Variants in PCDHA1 observed in about 807,000 individuals in gnomAD.
The protein encoded by PCDHA1 is protocadherin alpha-1.
PCDHA1 carries 42 observed loss-of-function variants against 61.3 expected under a neutral mutation model. The observed-to-expected ratio is 0.69, with a 90% CI of 0.54 to 0.89. The LOEUF (loss-of-function observed/expected upper bound fraction) is 0.89, where lower values mean the gene tolerates loss of function less well. Among genes scored for constraint, PCDHA1 ranks in the 40% least tolerant of loss-of-function variants. The pLI, the probability that PCDHA1 is intolerant of heterozygous loss-of-function variation, is 0.00. For synonymous variants in PCDHA1, 610 were observed against 553.8 expected (o/e 1.10, Z -1.43); for missense variants, 1,256 against 1,235.3 (o/e 1.02, Z -0.25).
At chr5:140,937,446 G>A (rs1330877546) in intron 1 of PCDHA1, among the ~76,000 whole-genome samples, 1 of 152,088 alleles carries the variant, frequency 6.6e-6, no homozygotes, top group Non-Finnish European at 1.5e-5. Context: ...TATTTTAAAA[G>A]TTTAATTTTA....
Position 140,892,397 on chromosome 5 carries a change from T to C in PCDHA1, c.2395-86552T>C, listed in dbSNP as rs554853881. On this transcript the variant is annotated intron_variant, in intron 1 of 3. Coordinates refer to ENST00000504120, the MANE Select transcript of PCDHA1 (RefSeq NM_018900.4). ...GCAATCATGGGTAATCTTAATCTAT[T>C]TCAAGCTTCAGGTATTCTAGATAAA... is the stretch of plus-strand genomic sequence containing the variant. Among the ~76,000 whole-genome samples the C allele has an allele frequency of 2.0e-5, 3 of 152,326 alleles. No homozygotes were observed. The South Asian group carries it at 6.2e-4, about 32-fold the overall frequency.
chr5:140,858,097 G>A (rs2045175006), intron 1 of PCDHA1: 1 of 1,597,732 alleles, frequency 6.3e-7, no homozygotes, highest in Non-Finnish European at 8.6e-7. Context: ...GGGCTTCAGT[G>A]GGCGTGGCGC....
intron 1 of PCDHA1, among the ~76,000 whole-genome samples, chr5:140,789,413 T>C (rs1761527522): frequency 6.6e-6 from 1 of 152,090 alleles, no homozygotes; most frequent in African/African-American, 2.4e-5. Flanking sequence ...AGTCGCACCA[T>C]TGCACTCTAA....
At chr5:140,837,516 C>CGT (rs149634951) in intron 1 of PCDHA1, among the ~76,000 whole-genome samples, 1 of 151,568 alleles carries the variant, frequency 6.6e-6, no homozygotes. Flanking sequence ...AAGCAGTTTA[C>CGT]TTTTTTTGTA....
chr5:140,805,877 A>G (rs1763644184), intron 1 of PCDHA1, among the ~76,000 whole-genome samples: 1 of 152,196 alleles, frequency 6.6e-6, no homozygotes, highest in Non-Finnish European at 1.5e-5. Context: ...TTTATTAGGC[A>G]ATGGAAGGAA....
At chr5:140,790,323 C>T (rs1353918163) in intron 1 of PCDHA1, among the ~76,000 whole-genome samples, 2 of 152,142 alleles carry the variant, frequency 1.3e-5, no homozygotes, top group African/African-American at 4.8e-5. Context: ...ATGTTTGCTT[C>T]TGAAGTTACT....
intron 1 of PCDHA1, among the ~76,000 whole-genome samples, chr5:140,914,386 G>A (rs565819670): frequency 2.6e-5 from 4 of 152,216 alleles, no homozygotes; most frequent in East Asian, 1.9e-4. Flanking sequence ...TGTTATAAGT[G>A]TAGTTACCCC....
intron 1 of PCDHA1, chr5:140,883,169 G>C (rs1554177001): frequency 6.2e-7 from 1 of 1,613,950 alleles, no homozygotes; most frequent in Admixed American, 1.7e-5. Flanking sequence ...GAACAATGGA[G>C]AAATTAGGAC....
intron 1 of PCDHA1, among the ~76,000 whole-genome samples, chr5:140,888,454 A>G (rs1167294283): frequency 6.6e-6 from 1 of 152,234 alleles, no homozygotes; most frequent in Non-Finnish European, 1.5e-5. Context: ...ATAAAGAATT[A>G]GCTCAAAATG....
At position 140,944,281 on chromosome 5, in the gene PCDHA1, G is replaced by A. The variant is rs987563636; in HGVS notation, c.2395-34668G>A. ...CTGCTCACTGCAGCCTTGACACCCC[G>A]GGCTCAAGCGATCCTCCTACCTCAG... On this transcript the variant is annotated intron_variant, in intron 1 of 3. Coordinates refer to ENST00000504120, the MANE Select transcript of PCDHA1 (RefSeq NM_018900.4). Among the ~76,000 whole-genome samples, 18 of 152,138 alleles carry A rather than the reference G, an allele frequency of 1.2e-4. No individual in the cohort carries two copies. The Middle Eastern group carries it at 0.014, about 115-fold the overall frequency.
In PCDHA1 at chr5:140,848,822, C is replaced by T. The variant is rs2150421511; in HGVS notation, c.2394+60138C>T. The T allele has an allele frequency of 1.9e-6, 3 of 1,590,462 alleles. 1 individual carries two copies. The highest frequency in any genetic ancestry group is 3.4e-5 in the Admixed American group (2 of 58,802). ...AGTGCAGCATCCACCTGGAGGTGATCGTAGACAGGCCGCTGCAGGTTTTCC... is the reference window on the plus strand; with the variant it reads ...AGTGCAGCATCCACCTGGAGGTGATTGTAGACAGGCCGCTGCAGGTTTTCC... On this transcript the variant is annotated intron_variant, in intron 1 of 3. Transcript: ENST00000504120.
intron 1 of PCDHA1, chr5:140,866,593 A>T (rs527619239): frequency 4.0e-4 from 61 of 152,276 alleles, no homozygotes; most frequent in African/African-American, 1.4e-3. Context: ...ATGTAATTCT[A>T]ATCTGTTGGT....
At chr5:140,963,424 G>A (rs898407658) in intron 1 of PCDHA1, among the ~76,000 whole-genome samples, 7 of 152,194 alleles carry the variant, frequency 4.6e-5, no homozygotes, top group Non-Finnish European at 1.0e-4. Flanking sequence ...GCATGTTTAG[G>A]AACTAACTTC....
chr5:140,842,516 T>A (rs530202531), intron 1 of PCDHA1: 1 of 1,613,504 alleles, frequency 6.2e-7, no homozygotes, highest in African/African-American at 1.3e-5. Context: ...CAAGCTGGTG[T>A]CCACCTTCAA....
intron 1 of PCDHA1, among the ~76,000 whole-genome samples, chr5:140,908,402 T>C (rs2073951162): frequency 6.6e-6 from 1 of 152,166 alleles, no homozygotes; most frequent in Non-Finnish European, 1.5e-5. Flanking sequence ...TATATACCAC[T>C]TCCATTTGAT....
chr5:140,807,311 G>C (rs781800843), intron 1 of PCDHA1: 3 of 1,614,084 alleles, frequency 1.9e-6, no homozygotes, highest in Non-Finnish European at 1.7e-6. Context: ...GGCCAAACAC[G>C]GCACCTTCGT....
chr5:140,875,505 C>T, intron 1 of PCDHA1: 6 of 1,613,560 alleles, frequency 3.7e-6, no homozygotes, highest in Non-Finnish European at 5.1e-6. Context: ...GCCCGGGATC[C>T]CAGCGTCTGC....
chr5:140,797,360 T>A (rs782727514), intron 1 of PCDHA1: 1 of 1,611,268 alleles, frequency 6.2e-7, no homozygotes. Flanking sequence ...AAGGTGAGTC[T>A]TTTACTTTTT....
intron 1 of PCDHA1, chr5:140,968,944 G>C (rs782732835): frequency 1.2e-6 from 2 of 1,614,152 alleles, no homozygotes; most frequent in Non-Finnish European, 8.5e-7. Context: ...TCATCATTTT[G>C]AGCATCATCA....
Sources: gnomAD v4.1 joint callset for allele counts (sites outside exome capture counted in the v4.1 genomes callset) on GRCh38, gnomAD v4.1.1 for gene constraint, MANE v1.5 for transcripts, NCBI Gene and HGNC (gene_info 2026-07-23, HGNC 2026-07-21) for gene names.